The following CNTN3 variants were observed in gnomAD, a reference collection of about 807,000 sequenced individuals.
CNTN3 encodes the protein contactin 3.
In CNTN3, 60 loss-of-function variants were observed where a neutral mutation model predicts 119.1. That is an observed-to-expected ratio of 0.50 (90% CI 0.41 to 0.62). CNTN3 has a LOEUF of 0.62. Among genes scored for constraint, CNTN3 ranks in the 20% least tolerant of loss-of-function variants. The probability of loss-of-function intolerance (pLI) is 0.00; values close to 1 mark genes in which losing one functional copy is unlikely to be tolerated. For synonymous variants in CNTN3, 450 were observed against 438.7 expected, an observed-to-expected ratio of 1.03 and a Z score of -0.32; for missense variants, 1,101 against 1,242.4, an observed-to-expected ratio of 0.89 and a Z score of 1.71.
chr3:74,463,311 T>C (rs1325644868), intron 4 of CNTN3, among the ~76,000 whole-genome samples: 2 of 152,124 alleles, frequency 1.3e-5, no homozygotes, highest in African/African-American at 2.4e-5. Context: ...TATGAATATC[T>C]GAAAATGGCT....
intron 5 of CNTN3, among the ~76,000 whole-genome samples, chr3:74,372,489 G>A (rs1443587210): frequency 1.3e-5 from 2 of 151,862 alleles, no homozygotes; most frequent in African/African-American, 4.8e-5. Context: ...CGGTTACTGT[G>A]GTTGGCTTAT....
intron 10 of CNTN3, among the ~76,000 whole-genome samples, chr3:74,363,419 T>C (rs896171266): frequency 6.6e-6 from 1 of 152,156 alleles, no homozygotes; most frequent in African/African-American, 2.4e-5. Flanking sequence ...ACCCACAATA[T>C]GCTAATACCA....
At chr3:74,600,347 G>A (rs568796076) in intron 1 of CNTN3, among the ~76,000 whole-genome samples, 95 of 152,078 alleles carry the variant, frequency 6.2e-4, no homozygotes, top group African/African-American at 2.2e-3. Context: ...CAATCACTAC[G>A]GAGGAAAAAG....
At chr3:74,276,387 G>A (rs907207248) in intron 20 of CNTN3, among the ~76,000 whole-genome samples, 1 of 152,044 alleles carries the variant, frequency 6.6e-6, no homozygotes, top group African/African-American at 2.4e-5. Context: ...CAAATGATAG[G>A]CTATGAAATG....
chr3:74,534,967 C>T (rs1487105160), intron 1 of CNTN3, among the ~76,000 whole-genome samples: 1 of 151,914 alleles, frequency 6.6e-6, no homozygotes, highest in Non-Finnish European at 1.5e-5. Flanking sequence ...TGATTACATG[C>T]TGAGCTGGTA....
Position 74,361,923 on chromosome 3 carries a change from T to G in CNTN3, c.1331A>C (p.Lys444Thr). 6.2e-7 allele frequency: 1 copy of G among 1,613,548 alleles called. No homozygotes were observed. The highest frequency in any genetic ancestry group is 8.5e-7 in the Non-Finnish European group (1 of 1,179,672). ...RASPRALSSW[K>T]KGDVSVQEHE... Reference sequence around the variant, plus strand: ...CTCCTGCACGCTCACATCCCCCTTCTTCCAGGAAGAGAGTGCCCTTGGGGA... The same window carrying G: ...CTCCTGCACGCTCACATCCCCCTTCGTCCAGGAAGAGAGTGCCCTTGGGGA... The change falls in exon 11 of 23, where the codon AAG becomes ACG. Residue 444 changes from lysine to threonine, a missense_variant. By Grantham distance (78) the Lys-to-Thr change is moderately conservative. Coordinates refer to ENST00000263665, the MANE Select transcript of CNTN3 (RefSeq NM_020872.3).
Position 74,614,459 on chromosome 3 carries a change from GCCGCCA to G in CNTN3, c.-155_-150del, listed in dbSNP as rs953109908. On this transcript the variant is annotated 5_prime_UTR_variant, in exon 1 of 23. Transcript: ENST00000263665. ...CGCCGCCGCCGCCGCCGCCGCCGCC[GCCGCCA>G]CCGCCGCCGCCGCAGTTAGTCCGGG... Among the ~76,000 whole-genome samples, 78 of 102,392 alleles carry G rather than the reference GCCGCCA, an allele frequency of 7.6e-4. No homozygotes were observed. In the South Asian group the frequency reaches 0.013, roughly 17 times the overall value. The allele number at this position is 102,392 out of a possible 152,430, so 67.2% of individuals were successfully genotyped here.
intron 11 of CNTN3, among the ~76,000 whole-genome samples, chr3:74,354,815 G>T (rs927854208): frequency 1.3e-5 from 2 of 151,496 alleles, no homozygotes; most frequent in Admixed American, 6.6e-5. Flanking sequence ...AGGTGACTTG[G>T]CATTTATTTA....
intron 11 of CNTN3, among the ~76,000 whole-genome samples, chr3:74,353,068 A>C (rs913227004): frequency 9.9e-5 from 15 of 152,186 alleles, no homozygotes; most frequent in African/African-American, 3.6e-4. Flanking sequence ...GAGAGGAGCC[A>C]GGTAGTGTAA....
intron 1 of CNTN3, among the ~76,000 whole-genome samples, chr3:74,553,651 C>T (rs1704026518): frequency 6.6e-6 from 1 of 152,148 alleles, no homozygotes; most frequent in Admixed American, 6.5e-5. Flanking sequence ...GATGATATCT[C>T]ATTGTGGTTT....
Position 74,530,960 on chromosome 3 carries a change from G to A in CNTN3, c.-80-9768C>T, listed in dbSNP as rs372934911. 3.9e-5 allele frequency among the ~76,000 whole-genome samples: 6 copies of A among 151,924 alleles called. No individual in the cohort carries two copies. The East Asian group carries it at 9.8e-4, about 25-fold the overall frequency. On this transcript the variant is annotated intron_variant, in intron 1 of 22. Transcript: ENST00000263665. The stretch of plus-strand genomic sequence containing the variant: ...TCTAGCAAGTCCAAAGTGACATGAC[G>A]CTAAGCCACTGCAACAGGATCCATC...
chr3:74,366,004 T>C (rs937371642), intron 8 of CNTN3, among the ~76,000 whole-genome samples: 1 of 152,136 alleles, frequency 6.6e-6, no homozygotes, highest in African/African-American at 2.4e-5. Flanking sequence ...TATCTATTAG[T>C]AGACAGTAAT....
chr3:74,606,450 CTGTG>C (rs1704994757), intron 1 of CNTN3, among the ~76,000 whole-genome samples: 2 of 151,488 alleles, frequency 1.3e-5, no homozygotes, highest in Admixed American at 1.3e-4. Context: ...GGGTGTGTGT[CTGTG>C]TGTGTATACA....
chr3:74,377,160 T>C (rs558576498), intron 5 of CNTN3, among the ~76,000 whole-genome samples: 1 of 152,238 alleles, frequency 6.6e-6, no homozygotes, highest in Non-Finnish European at 1.5e-5. Context: ...AGTTGTACAC[T>C]GTCATGAGAG....
chr3:74,345,038 G>T (rs1306576389), intron 11 of CNTN3, among the ~76,000 whole-genome samples: 1 of 152,140 alleles, frequency 6.6e-6, no homozygotes, highest in Non-Finnish European at 1.5e-5. Context: ...CTGCTTCAGT[G>T]CTAGCCTTTC....
intron 1 of CNTN3, among the ~76,000 whole-genome samples, 190 bp downstream of exon 1, chr3:74,614,201 G>C (rs1358592787): frequency 1.3e-5 from 2 of 152,198 alleles, no homozygotes; most frequent in Non-Finnish European, 2.9e-5. Context: ...CGCCCCAGAA[G>C]GGGAAAAATA....
In CNTN3 at chr3:74,424,860, G is replaced by C; in HGVS notation, c.439C>G (p.Pro147Ala). The change falls in exon 5 of 23, where the codon CCA (proline) becomes GCA (alanine). Residue 147 changes from proline to alanine, a missense_variant. Transcript: ENST00000263665. Reference sequence around the variant, plus strand: ...CATGACTTACCTCCAGAGTGTGGTGGGGGGCCGCAGAGCAGCACAACTCCC... The same window carrying C: ...CATGACTTACCTCCAGAGTGTGGTGCGGGGCCGCAGAGCAGCACAACTCCC... The part of the protein sequence containing the change: ...GQGVVLLCGP[P>A]PHSGELSYAW... 6.2e-7 allele frequency: 1 copy of C among 1,613,502 alleles called. No individual in the cohort carries two copies. The highest frequency in any genetic ancestry group is 8.5e-7 in the Non-Finnish European group (1 of 1,179,660).
intron 18 of CNTN3, among the ~76,000 whole-genome samples, chr3:74,296,889 A>G: frequency 6.6e-6 from 1 of 150,376 alleles, no homozygotes; most frequent in South Asian, 2.1e-4. Flanking sequence ...TTTTTTGTAG[A>G]ACTACATGAG....
At chr3:74,298,231 G>A in intron 17 of CNTN3, 40 bp from the exon 18 acceptor site, 1 of 1,317,672 alleles carries the variant, frequency 7.6e-7, no homozygotes, top group Non-Finnish European at 1.0e-6. Flanking sequence ...TTACACATAA[G>A]GGCAAGGCAA....
Sources: gnomAD v4.1 joint callset for allele counts (sites outside exome capture counted in the v4.1 genomes callset) on GRCh38, gnomAD v4.1.1 for gene constraint, MANE v1.5 for transcripts, NCBI Gene and HGNC (gene_info 2026-07-23, HGNC 2026-07-21) for gene names.